SCN10A: variants seen among roughly 807,000 people sequenced by gnomAD.
The protein encoded by SCN10A is sodium channel protein type 10 subunit alpha.
In SCN10A, 162 loss-of-function variants were observed where a neutral mutation model predicts 170.7. That is an observed-to-expected ratio of 0.95 (90% CI 0.84 to 1.08). SCN10A has a LOEUF of 1.08. Among genes scored for constraint, SCN10A ranks in the 50% least tolerant of loss-of-function variants. The pLI is 0.00. For synonymous variants in SCN10A, 985 were observed against 904.6 expected, an observed-to-expected ratio of 1.09 and a Z score of -1.59; for missense variants, 2,527 against 2,436.9, an observed-to-expected ratio of 1.04 and a Z score of -0.78.
chr3:38,712,442 C>T lies in SCN10A; in HGVS notation c.3808G>A (p.Val1270Met). The part of the protein sequence containing the change: ...ALSRFEGMRV[V>M]VDALVGAIPS... ...ATGGCGCCCACCAGGGCATCCACCA[C>T]CACCTGGTGGGAGATAGAGAAAGAC... The change falls in exon 23 of 28, where the codon GTG (valine) becomes ATG (methionine). Residue 1270 changes from valine (V) to methionine (M), a missense_variant. Physicochemically the swap from Val to Met is conservative, Grantham distance 21 (BLOSUM62 1). Transcript: ENST00000449082. 1 of 1,613,452 alleles carries T rather than the reference C, an allele frequency of 6.2e-7. No individual in the cohort carries two copies. The highest frequency in any genetic ancestry group is 8.5e-7 in the Non-Finnish European group (1 of 1,179,472).
Position 38,697,770 on chromosome 3 carries a change from T to A in SCN10A, c.5450A>T (p.Glu1817Val). The A allele has an allele frequency of 6.2e-7, 1 of 1,614,062 alleles. No individual in the cohort carries two copies. Among genetic ancestry groups the A allele is most frequent in the Non-Finnish European group, 8.5e-7 (1 of 1,179,984 alleles). The change falls in exon 28 of 28, where the codon GAG (glutamate) becomes GTG (valine). Residue 1817 changes from glutamate to valine, a missense_variant. Coordinates refer to ENST00000449082, the MANE Select transcript of SCN10A (RefSeq NM_006514.4). ...FTKNVLGESG[E>V]LDSLKANMEE... The stretch of plus-strand genomic sequence containing the variant: ...CATATTTGCCTTCAGAGAATCCAAC[T>A]CCCCGGATTCTCCTAGGACATTCTT...
At chr3:38,748,076 G>A (rs1336223005) in intron 13 of SCN10A, among the ~76,000 whole-genome samples, 1 of 152,106 alleles carries the variant, frequency 6.6e-6, no homozygotes, top group Non-Finnish European at 1.5e-5. Flanking sequence ...GAAGAGAGAA[G>A]GAGGAAGCTT....
intron 4 of SCN10A, among the ~76,000 whole-genome samples, chr3:38,774,816 C>G (rs1380965258): frequency 6.6e-6 from 1 of 152,164 alleles, no homozygotes; most frequent in Non-Finnish European, 1.5e-5. Context: ...TTCATTTCAG[C>G]CCAGTAGGCC....
At chr3:38,808,430 T>C (rs2064419651) in intron 1 of SCN10A, among the ~76,000 whole-genome samples, 1 of 152,194 alleles carries the variant, frequency 6.6e-6, no homozygotes, top group Non-Finnish European at 1.5e-5. Context: ...ATTTTGATAA[T>C]TATCTGTTCA....
intron 4 of SCN10A, among the ~76,000 whole-genome samples, chr3:38,777,788 A>G (rs1053726356): frequency 2.0e-5 from 3 of 152,104 alleles, no homozygotes; most frequent in African/African-American, 7.2e-5. Context: ...AATCTGGTGC[A>G]TGGCAGAAGC....
At chr3:38,815,003 T>C (rs913989132) in intron 1 of SCN10A, among the ~76,000 whole-genome samples, 2 of 152,218 alleles carry the variant, frequency 1.3e-5, no homozygotes, top group African/African-American at 4.8e-5. Context: ...TTTAAAATCA[T>C]AGCAAGTGTT....
chr3:38,795,341 CTTTTTCTTT>C (rs2064333231), intron 1 of SCN10A, among the ~76,000 whole-genome samples: 2 of 127,876 alleles, frequency 1.6e-5, no homozygotes, highest in African/African-American at 6.0e-5. Flanking sequence ...TTTTCTTTTT[CTTTTTCTTT>C]TTTTTTTTTT....
intron 15 of SCN10A, among the ~76,000 whole-genome samples, chr3:38,729,334 G>T (rs570262409): frequency 6.6e-6 from 1 of 152,192 alleles, no homozygotes; most frequent in East Asian, 1.9e-4. Context: ...CACTGCATTC[G>T]ATAGGTATTG....
chr3:38,774,511 A>T (rs2064048041), intron 4 of SCN10A, among the ~76,000 whole-genome samples: 1 of 152,158 alleles, frequency 6.6e-6, no homozygotes, highest in African/African-American at 2.4e-5. Context: ...TTATTTCCTA[A>T]GTGCTTTTTC....
intron 4 of SCN10A, among the ~76,000 whole-genome samples, chr3:38,788,646 C>T (rs2064239817): frequency 6.6e-6 from 1 of 151,934 alleles, no homozygotes; most frequent in South Asian, 2.1e-4. Flanking sequence ...CGAGGAGACT[C>T]ATCTTCCCAG....
intron 6 of SCN10A, 45 bp from the exon 7 acceptor site, chr3:38,761,428 C>CA (rs2063870388): frequency 2.0e-6 from 3 of 1,500,874 alleles, no homozygotes; most frequent in Non-Finnish European, 2.7e-6. Context: ...TGAGGTAGCA[C>CA]ACACGGAGCA....
chr3:38,703,435 A>T (rs1015951945), intron 26 of SCN10A, among the ~76,000 whole-genome samples: 2 of 152,154 alleles, frequency 1.3e-5, no homozygotes, highest in Non-Finnish European at 2.9e-5. Context: ...TCAAAGCAAA[A>T]TTTCTTGAAA....
At chr3:38,775,725 G>A (rs149931081) in intron 4 of SCN10A, among the ~76,000 whole-genome samples, 9 of 152,212 alleles carry the variant, frequency 5.9e-5, no homozygotes, top group East Asian at 1.9e-4. Flanking sequence ...ATGTCTGCTC[G>A]TATACCTAAC....
At chr3:38,766,419 A>G (rs755863114) in intron 5 of SCN10A, among the ~76,000 whole-genome samples, 4 of 152,094 alleles carry the variant, frequency 2.6e-5, no homozygotes, top group Non-Finnish European at 4.4e-5. Flanking sequence ...TTCTATGCCA[A>G]TTTGGTTGAG....
At chr3:38,739,386 A>G (rs1240969739) in intron 15 of SCN10A, 129 bp downstream of exon 15, 4 of 770,138 alleles carry the variant, frequency 5.2e-6, no homozygotes, top group Non-Finnish European at 8.0e-6. Context: ...GTCGCCCAGG[A>G]GTCAGACCCT....
intron 4 of SCN10A, among the ~76,000 whole-genome samples, chr3:38,772,438 G>C (rs62244103): frequency 0.19 from 29,242 of 152,034 alleles, 3,542 homozygotes; most frequent in East Asian, 0.38. Flanking sequence ...GCCTGTAATC[G>C]CAGCACTTTG....
intron 14 of SCN10A, among the ~76,000 whole-genome samples, chr3:38,741,799 C>T (rs2063635390): frequency 6.6e-6 from 1 of 152,240 alleles, no homozygotes; most frequent in African/African-American, 2.4e-5. Context: ...CTCCCTTCCA[C>T]TGTCTTCCCC....
intron 4 of SCN10A, among the ~76,000 whole-genome samples, chr3:38,774,933 G>A (rs967698270): frequency 6.6e-6 from 1 of 152,116 alleles, no homozygotes; most frequent in East Asian, 1.9e-4. Context: ...CCCCAGCTGC[G>A]TTCCGTGAAT....
intron 11 of SCN10A, 146 bp from the exon 12 acceptor site, chr3:38,752,658 G>T (rs1023149575): frequency 3.6e-6 from 2 of 555,894 alleles, no homozygotes; most frequent in South Asian, 7.9e-5. Context: ...AATCTAAGGG[G>T]TATTCTAGGT....
Sources: gnomAD v4.1 joint callset for allele counts (sites outside exome capture counted in the v4.1 genomes callset) on GRCh38, gnomAD v4.1.1 for gene constraint, MANE v1.5 for transcripts, NCBI Gene and HGNC (gene_info 2026-07-23, HGNC 2026-07-21) for gene names.